Variants in GANC observed in about 807,000 individuals in gnomAD.
The protein encoded by GANC is neutral alpha-glucosidase C.
Under a neutral mutation model 124.2 loss-of-function variants are expected in GANC, and 117 were observed. That is an observed-to-expected ratio of 0.94 (90% CI 0.81 to 1.10). The LOEUF (loss-of-function observed/expected upper bound fraction) is 1.10, where lower values mean the gene tolerates loss of function less well. Among genes scored for constraint, GANC ranks in the 50% least tolerant of loss-of-function variants. The pLI, the probability that GANC is intolerant of heterozygous loss-of-function variation, is 0.00. For synonymous variants in GANC, 377 were observed against 376.8 expected (o/e 1.00, Z -0.01); for missense variants, 1,140 against 1,095.0 (o/e 1.04, Z -0.58).
chr15:42,282,597 G>A (rs1326267845), intron 3 of GANC, among the ~76,000 whole-genome samples: 1 of 152,148 alleles, frequency 6.6e-6, no homozygotes. Flanking sequence ...CTTGGTGCCT[G>A]CCTGCCCCTA....
In GANC at chr15:42,273,913, T is replaced by C. The variant is rs184850629; in HGVS notation, c.-569T>C. On this transcript the variant is annotated 5_prime_UTR_variant, in exon 1 of 24. Coordinates refer to ENST00000318010, the MANE Select transcript of GANC (RefSeq NM_198141.3). Reference sequence around the variant, plus strand: ...TACACGCGATTCCTAGACTGGGTAGTGTAACAACCTTCAAAGGCCCCTTCT... The same window carrying C: ...TACACGCGATTCCTAGACTGGGTAGCGTAACAACCTTCAAAGGCCCCTTCT... The C allele has an allele frequency of 3.0e-3, 586 of 192,672 alleles. No individual in the cohort carries two copies. The highest frequency in any genetic ancestry group is 5.4e-3 in the Non-Finnish European group (497 of 91,982). 11.9% of individuals were successfully genotyped at this position (192,672 alleles called of 1,614,324 possible). A position where few individuals can be genotyped will look rare whatever the true frequency, so the allele number is the denominator to read the frequency against.
intron 10 of GANC, among the ~76,000 whole-genome samples, chr15:42,320,137 C>T (rs747159944): frequency 5.9e-5 from 9 of 152,054 alleles, no homozygotes; most frequent in African/African-American, 9.7e-5. Flanking sequence ...GAGCTGAGAT[C>T]GTGCCACTGC....
At chr15:42,307,722 C>A (rs977372478) in intron 7 of GANC, among the ~76,000 whole-genome samples, 1 of 152,100 alleles carries the variant, frequency 6.6e-6, no homozygotes, top group Admixed American at 6.5e-5. Context: ...TTTGAGGAAC[C>A]AGTTATGGCC....
chr15:42,275,536 G>A (rs752041716), intron 1 of GANC, among the ~76,000 whole-genome samples: 2 of 152,128 alleles, frequency 1.3e-5, no homozygotes, highest in Non-Finnish European at 2.9e-5. Flanking sequence ...TGGACATGCT[G>A]ACTACAGATG....
chr15:42,286,748 T>C (rs2051793251), intron 3 of GANC, among the ~76,000 whole-genome samples: 1 of 152,240 alleles, frequency 6.6e-6, no homozygotes, highest in African/African-American at 2.4e-5. Flanking sequence ...GTATTCTTCA[T>C]ATTTCTTATC....
chr15:42,307,639 A>G (rs2052011075), intron 7 of GANC, among the ~76,000 whole-genome samples: 1 of 152,180 alleles, frequency 6.6e-6, no homozygotes, highest in Admixed American at 6.5e-5. Flanking sequence ...CATTTTTCCC[A>G]TAGCTCTAAA....
intron 16 of GANC, 148 bp from the exon 17 acceptor site, chr15:42,339,521 G>A: frequency 1.2e-6 from 1 of 830,440 alleles, no homozygotes; most frequent in South Asian, 1.7e-5. Flanking sequence ...GTAGTAAGGG[G>A]GTCACCTGTT....
rs543911066 is a variant in GANC, at chr15:42,285,094, T to G, written c.202-2597T>G. ...TTATTTATAAATATCCAGCAGGTCCTAGCAAATAGGAAAGGAATATCTACA... is the reference window on the plus strand; with the variant it reads ...TTATTTATAAATATCCAGCAGGTCCGAGCAAATAGGAAAGGAATATCTACA... On this transcript the variant is annotated intron_variant, in intron 3 of 23. Coordinates refer to ENST00000318010, the MANE Select transcript of GANC (RefSeq NM_198141.3). 9.2e-5 allele frequency among the ~76,000 whole-genome samples: 14 copies of G among 152,358 alleles called. 1 individual carries two copies. The South Asian group carries it at 2.9e-3, about 32-fold the overall frequency.
At position 42,339,841 on chromosome 15, in the gene GANC, G is replaced by A; in HGVS notation, c.2016G>A (p.Glu672=). 6.2e-7 allele frequency: 1 copy of A among 1,614,118 alleles called. No homozygotes were observed. The highest frequency in any genetic ancestry group is 8.5e-7 in the Non-Finnish European group (1 of 1,179,990). Residue 672 remains glutamate, a synonymous_variant, in exon 17 of 24, where the codon GAG becomes GAA. Transcript: ENST00000318010. ...GACTCATCCGAGAAGCCATCAGAGA[G>A]CGCTATGGCCTCCTGCCATATTGGT... The part of the protein sequence containing the change: ...HTRLIREAIR[E]RYGLLPYWYS...
At chr15:42,310,559 G>C in intron 9 of GANC, 96 bp downstream of exon 9, 1 of 1,458,784 alleles carries the variant, frequency 6.9e-7, no homozygotes, top group South Asian at 1.4e-5. Flanking sequence ...GCACTTCTCT[G>C]CCAACAAAAG....
intron 4 of GANC, 95 bp downstream of exon 4, chr15:42,287,913 G>A: frequency 7.8e-7 from 1 of 1,287,294 alleles, no homozygotes; most frequent in Non-Finnish European, 1.1e-6. Context: ...TTCTTATTTT[G>A]GCTGCTCAAA....
At chr15:42,304,747 G>A (rs1027894415) in intron 6 of GANC, among the ~76,000 whole-genome samples, 3 of 152,122 alleles carry the variant, frequency 2.0e-5, no homozygotes, top group Non-Finnish European at 2.9e-5. Context: ...AAACAGCATG[G>A]TACTGGTACC....
intron 10 of GANC, among the ~76,000 whole-genome samples, chr15:42,315,125 T>C (rs193275361): frequency 1.1e-4 from 17 of 152,326 alleles, no homozygotes; most frequent in Non-Finnish European, 2.2e-4. Context: ...CTCAACTTTT[T>C]TGTGCTGTTA....
chr15:42,341,639 C>T (rs945588422), intron 18 of GANC, among the ~76,000 whole-genome samples: 1 of 151,876 alleles, frequency 6.6e-6, no homozygotes, highest in African/African-American at 2.4e-5. Context: ...TCTTGGCTCA[C>T]TGCAACCTCT....
Position 42,341,794 on chromosome 15 carries a change from C to T in GANC, c.2152+1040C>T, listed in dbSNP as rs189306954. On this transcript the variant is annotated intron_variant, in intron 18 of 23. Transcript: ENST00000318010. ...GCCCAGGCTAATCTTGAACTCCTGA[C>T]CTCAGGTGATCCACCCACCTCGGCC... Among the ~76,000 whole-genome samples the T allele has an allele frequency of 2.7e-3, 408 of 152,204 alleles. 1 individual carries two copies. Among genetic ancestry groups the T allele is most frequent in the African/African-American group, 9.5e-3 (394 of 41,528 alleles).
intron 18 of GANC, among the ~76,000 whole-genome samples, chr15:42,341,819 C>T (rs1276957016): frequency 1.3e-5 from 2 of 152,146 alleles, no homozygotes; most frequent in Non-Finnish European, 2.9e-5. Flanking sequence ...CCACCTCGGC[C>T]TTCCAAAGTG....
rs1251347393 is a variant in GANC at position 42,278,476 on chromosome 15, C to T, written c.93-6C>T. ...TATCAAGCATCTGCATACTCCGTAT[C>T]TATAGGCGTCAGAAACAGTGGCTTT... On this transcript the variant is annotated splice_polypyrimidine_tract_variant and splice_region_variant and intron_variant, in intron 2 of 23. Transcript: ENST00000318010. 1.3e-6 allele frequency: 2 copies of T among 1,583,604 alleles called. No individual in the cohort carries two copies. Among genetic ancestry groups the T allele is most frequent in the South Asian group, 2.2e-5 (2 of 89,690 alleles).
chr15:42,276,333 T>C lies in GANC; in HGVS notation c.30-15T>C. On this transcript the variant is annotated splice_polypyrimidine_tract_variant and intron_variant, in intron 1 of 23. Transcript: ENST00000318010. ...CCTGTGTGAAATAAATTTCTCAAAA[T>C]GTCTTTTTATTTAGTCTTGAAGATG... The C allele has an allele frequency of 1.6e-6, 2 of 1,245,784 alleles. No homozygotes were observed. Among genetic ancestry groups the C allele is most frequent in the Non-Finnish European group, 1.2e-6 (1 of 849,322 alleles). The allele number at this position is 1,245,784 out of a possible 1,614,324, so 77.2% of individuals were successfully genotyped here.
chr15:42,312,723 G>C (rs905271052), intron 10 of GANC, among the ~76,000 whole-genome samples: 3 of 152,158 alleles, frequency 2.0e-5, no homozygotes, highest in African/African-American at 7.2e-5. Context: ...TGGATCACTT[G>C]AGGTCAGGAG....
Sources: allele counts gnomAD v4.1 joint callset (sites outside exome capture counted in the v4.1 genomes callset), GRCh38; gene constraint gnomAD v4.1.1; transcripts MANE v1.5; gene names NCBI Gene and HGNC (gene_info 2026-07-23, HGNC 2026-07-21).